The following PTPRK variants were observed in gnomAD, a reference collection of about 807,000 sequenced individuals.
PTPRK encodes the protein receptor-type tyrosine-protein phosphatase kappa.
Under a neutral mutation model 178.0 loss-of-function variants are expected in PTPRK, and 75 were observed. The observed-to-expected ratio is 0.42, with a 90% CI of 0.35 to 0.51. PTPRK has a LOEUF of 0.51. PTPRK is among the 20% of genes least tolerant of loss of function. The pLI, the probability that PTPRK is intolerant of heterozygous loss-of-function variation, is 0.02. For synonymous variants in PTPRK, 637 were observed against 620.6 expected (o/e 1.03, Z -0.39); for missense variants, 1,441 against 1,797.8 (o/e 0.80, Z 3.59).
Position 127,981,099 on chromosome 6 carries a change from A to C in PTPRK, c.3711+17T>G. ...TTTCCACAACACTCTACACTAACAA[A>C]GAGGGCAGTCTCTTACGTCCATAAG... On this transcript the variant is annotated intron_variant, in intron 25 of 29. Transcript: ENST00000368226. 1 of 1,609,552 alleles carries C rather than the reference A, an allele frequency of 6.2e-7. No individual in the cohort carries two copies. The highest frequency in any genetic ancestry group is 1.1e-5 in the South Asian group (1 of 90,798).
chr6:128,506,971 G>T (rs939235071), intron 1 of PTPRK, among the ~76,000 whole-genome samples: 3 of 152,070 alleles, frequency 2.0e-5, no homozygotes, highest in Non-Finnish European at 2.9e-5. Context: ...TTATTAGTGT[G>T]CCAGGCACTC....
intron 1 of PTPRK, among the ~76,000 whole-genome samples, chr6:128,467,393 A>G (rs539225631): frequency 5.3e-5 from 8 of 152,340 alleles, no homozygotes; most frequent in African/African-American, 1.9e-4. Flanking sequence ...CCCTGCACAT[A>G]GATGAGAATT....
At chr6:128,019,419 T>C (rs1418414284) in intron 13 of PTPRK, among the ~76,000 whole-genome samples, 3 of 151,724 alleles carry the variant, frequency 2.0e-5, no homozygotes, top group Non-Finnish European at 4.4e-5. Flanking sequence ...TGGGGAGATA[T>C]AAATACACAT....
chr6:128,043,245 A>C (rs904447415), intron 13 of PTPRK, among the ~76,000 whole-genome samples: 1 of 152,008 alleles, frequency 6.6e-6, no homozygotes, highest in African/African-American at 2.4e-5. Context: ...GATTGAACAT[A>C]TATGATCATT....
chr6:128,324,053 T>A (rs905652671), intron 2 of PTPRK, among the ~76,000 whole-genome samples: 1 of 152,128 alleles, frequency 6.6e-6, no homozygotes, highest in African/African-American at 2.4e-5. Flanking sequence ...TGCCACTGCA[T>A]AGCAGACCAA....
chr6:128,431,094 A>G (rs148883776), intron 1 of PTPRK, among the ~76,000 whole-genome samples: 2,180 of 151,822 alleles, frequency 0.014, 55 homozygotes, highest in African/African-American at 0.05. Flanking sequence ...ACCCACCACC[A>G]TGCCCGGCTA....
chr6:128,103,663 A>T (rs757633981), intron 7 of PTPRK, among the ~76,000 whole-genome samples: 18 of 152,098 alleles, frequency 1.2e-4, no homozygotes, highest in Non-Finnish European at 2.2e-4. Context: ...TTCATCAGAC[A>T]ATTCTTTTTT....
At chr6:127,998,656 T>C (rs1057366066) in intron 16 of PTPRK, 64 bp downstream of exon 16, 13 of 1,366,360 alleles carry the variant, frequency 9.5e-6, no homozygotes, top group African/African-American at 1.5e-5. Context: ...GGGAAAAAAA[T>C]GCTAAATTCC....
chr6:128,498,540 C>T (rs978066692), intron 1 of PTPRK, among the ~76,000 whole-genome samples: 1 of 152,136 alleles, frequency 6.6e-6, no homozygotes, highest in East Asian at 1.9e-4. Flanking sequence ...CATCAATGCT[C>T]CTCTGTCCAG....
intron 13 of PTPRK, among the ~76,000 whole-genome samples, chr6:128,015,211 T>A (rs1331516519): frequency 6.6e-6 from 1 of 151,728 alleles, no homozygotes; most frequent in Non-Finnish European, 1.5e-5. Flanking sequence ...AAATACTTTT[T>A]AAGAAAGCAA....
intron 29 of PTPRK, among the ~76,000 whole-genome samples, chr6:127,971,965 T>C (rs1021258144): frequency 6.6e-6 from 1 of 152,196 alleles, no homozygotes; most frequent in South Asian, 2.1e-4. Flanking sequence ...CTCATCTCCA[T>C]AGCCAGCACC....
At chr6:128,312,912 C>T (rs1016041418) in intron 3 of PTPRK, among the ~76,000 whole-genome samples, 1 of 152,104 alleles carries the variant, frequency 6.6e-6, no homozygotes, top group Admixed American at 6.6e-5. Flanking sequence ...TTCTTGGATA[C>T]ACAACCCATG....
intron 3 of PTPRK, among the ~76,000 whole-genome samples, chr6:128,320,365 T>C (rs1828621728): frequency 6.6e-6 from 1 of 152,144 alleles, no homozygotes; most frequent in Non-Finnish European, 1.5e-5. Flanking sequence ...TGTTATTTCG[T>C]AGTTACGAGG....
chr6:128,073,635 G>A (rs1783239090), intron 11 of PTPRK, among the ~76,000 whole-genome samples: 1 of 151,886 alleles, frequency 6.6e-6, no homozygotes, highest in Admixed American at 6.6e-5. Flanking sequence ...TCTGGCTCAG[G>A]GCTTCTCACA....
At chr6:128,211,630 ACAGT>A (rs1401472969) in intron 6 of PTPRK, among the ~76,000 whole-genome samples, 1 of 152,104 alleles carries the variant, frequency 6.6e-6, no homozygotes, top group Admixed American at 6.6e-5. Context: ...ATTCTTAGTA[ACAGT>A]CAGGTTCCTG....
At chr6:128,354,231 G>GTTTTTTTTTTTATTTTTTTTT (rs1833615794) in intron 2 of PTPRK, among the ~76,000 whole-genome samples, 2 of 49,356 alleles carry the variant, frequency 4.1e-5, no homozygotes, top group African/African-American at 9.4e-5. Context: ...TTTTGTTTAT[G>GTTTTTTTTTTTATTTTTTTTT]TTTTTTTTTT....
chr6:128,149,216 C>A (rs1369762592), intron 7 of PTPRK, among the ~76,000 whole-genome samples: 1 of 151,448 alleles, frequency 6.6e-6, no homozygotes, highest in Non-Finnish European at 1.5e-5. Context: ...GACCAGTTAA[C>A]AGGTACAGCA....
At chr6:128,066,003 A>G (rs999262510) in intron 12 of PTPRK, among the ~76,000 whole-genome samples, 2 of 146,962 alleles carry the variant, frequency 1.4e-5, no homozygotes, top group African/African-American at 5.5e-5. Context: ...GAGAAAATTC[A>G]TATCAAAAAG....
chr6:128,010,358 A>G (rs926610192), intron 13 of PTPRK, among the ~76,000 whole-genome samples: 2 of 151,272 alleles, frequency 1.3e-5, no homozygotes, highest in Middle Eastern at 3.2e-3. Flanking sequence ...CCACATGAAC[A>G]GATACGCAAA....
Sources: gnomAD v4.1 joint callset for allele counts (sites outside exome capture counted in the v4.1 genomes callset) on GRCh38, gnomAD v4.1.1 for gene constraint, MANE v1.5 for transcripts, NCBI Gene and HGNC (gene_info 2026-07-23, HGNC 2026-07-21) for gene names.